The following SPEF2 variants were observed in gnomAD, a reference collection of about 807,000 sequenced individuals.
SPEF2 encodes the protein sperm flagellar and cilia associated 2.
Under a neutral mutation model 224.6 loss-of-function variants are expected in SPEF2, and 187 were observed. That is an observed-to-expected ratio of 0.83 (90% CI 0.74 to 0.94). SPEF2 has a LOEUF of 0.94. Ranked by LOEUF, SPEF2 falls within the 40% of genes least tolerant of loss-of-function variation. The probability of loss-of-function intolerance (pLI) is 0.00; values close to 1 mark genes in which losing one functional copy is unlikely to be tolerated. For synonymous variants in SPEF2, 715 were observed against 707.3 expected (o/e 1.01, Z -0.17); for missense variants, 2,170 against 2,135.6 (o/e 1.02, Z -0.32).
intron 20 of SPEF2, among the ~76,000 whole-genome samples, chr5:35,714,709 T>TTTAC (rs1301693967): frequency 1.3e-5 from 2 of 150,114 alleles, no homozygotes; most frequent in Non-Finnish European, 3.0e-5. Context: ...TATTTATTTA[T>TTTAC]TTATTTATTT....
At chr5:35,806,587 T>G in intron 34 of SPEF2, 120 bp from the exon 35 acceptor site, 1 of 1,282,968 alleles carries the variant, frequency 7.8e-7, no homozygotes, top group Non-Finnish European at 1.1e-6. Context: ...GTTAGCTAGT[T>G]TGTGGTAGGC....
In SPEF2 at chr5:35,670,102, T is replaced by C; in HGVS notation, c.1399T>C (p.Phe467Leu). 3 of 1,610,264 alleles carry C rather than the reference T, an allele frequency of 1.9e-6. No individual in the cohort carries two copies. The highest frequency in any genetic ancestry group is 2.5e-6 in the Non-Finnish European group (3 of 1,178,340). ...GATGCATGATTGGAAGGAACTATTT[T>C]TTAATGCAAAACCCATATATGAACA... ...KLMHDWKELF[F>L]NAKPIYEQAS... Residue 467 changes from phenylalanine (F) to leucine (L), a missense_variant, in exon 10 of 37, where the codon TTT becomes CTT. By Grantham distance (22) the Phe-to-Leu change is conservative. Coordinates refer to ENST00000356031, the MANE Select transcript of SPEF2 (RefSeq NM_024867.4).
At chr5:35,738,106 G>C (rs1746949119) in intron 21 of SPEF2, among the ~76,000 whole-genome samples, 1 of 152,054 alleles carries the variant, frequency 6.6e-6, no homozygotes, top group African/African-American at 2.4e-5. Flanking sequence ...TGTAGATTCT[G>C]GATATTAGCC....
At chr5:35,755,671 G>A (rs1316658430) in intron 24 of SPEF2, among the ~76,000 whole-genome samples, 1 of 152,150 alleles carries the variant, frequency 6.6e-6, no homozygotes, top group Middle Eastern at 3.2e-3. Context: ...GTGCAATGGT[G>A]CGATCTCACC....
intron 2 of SPEF2, among the ~76,000 whole-genome samples, chr5:35,630,298 C>CCCACTAGAGACTCTGTGTGAGGGTTCTGA (rs1744904864): frequency 6.6e-6 from 1 of 152,138 alleles, no homozygotes; most frequent in Non-Finnish European, 1.5e-5. Context: ...TAGGTAGTTC[C>CCCACTAGAGACTCTGTGTGAGGGTTCTGA]CCACTAGAGA....
At chr5:35,785,310 G>A (rs1311587303) in intron 30 of SPEF2, among the ~76,000 whole-genome samples, 1 of 152,114 alleles carries the variant, frequency 6.6e-6, no homozygotes, top group East Asian at 1.9e-4. Context: ...TGTTAAAACT[G>A]TTTATGAGTA....
At chr5:35,720,015 A>G (rs1431460852) in intron 20 of SPEF2, among the ~76,000 whole-genome samples, 2 of 152,174 alleles carry the variant, frequency 1.3e-5, no homozygotes, top group African/African-American at 2.4e-5. Context: ...GCAAGTAGAG[A>G]TTTACTCCTT....
intron 16 of SPEF2, chr5:35,702,258 C>T (rs1197495078): frequency 2.2e-6 from 1 of 456,184 alleles, no homozygotes; most frequent in Admixed American, 2.3e-5. Context: ...AACATCTTCA[C>T]AGAGAAACAC....
At chr5:35,763,012 T>C (rs2149757506) in intron 25 of SPEF2, among the ~76,000 whole-genome samples, 1 of 152,248 alleles carries the variant, frequency 6.6e-6, no homozygotes, top group Middle Eastern at 3.4e-3. Context: ...TTAGTATTAG[T>C]CATGTGTTAC....
chr5:35,781,486 G>A (rs190782971), intron 30 of SPEF2: 3 of 152,348 alleles, frequency 2.0e-5, no homozygotes, highest in Admixed American at 1.3e-4. Flanking sequence ...GGAGCATGAT[G>A]TTTGGGAAAT....
intron 30 of SPEF2, chr5:35,789,096 G>C: frequency 1.4e-6 from 1 of 690,572 alleles, no homozygotes; most frequent in East Asian, 2.7e-5. Flanking sequence ...CTTTCCTTGA[G>C]CTCCTTGGAA....
Position 35,740,274 on chromosome 5 carries a change from A to G in SPEF2, c.3330+7A>G. The G allele has an allele frequency of 6.2e-7, 1 of 1,613,778 alleles. No homozygotes were observed. Among genetic ancestry groups the G allele is most frequent in the Non-Finnish European group, 8.5e-7 (1 of 1,179,910 alleles). On this transcript the variant is annotated splice_region_variant and intron_variant, in intron 23 of 36. Coordinates refer to ENST00000356031, the MANE Select transcript of SPEF2 (RefSeq NM_024867.4). ...ACTACATCAACGAGTGAATGTAAGG[A>G]AATAGTGACCTATTGGGACAGGGTT...
intron 21 of SPEF2, among the ~76,000 whole-genome samples, chr5:35,736,207 A>C (rs1435036859): frequency 6.6e-6 from 1 of 152,206 alleles, no homozygotes; most frequent in Non-Finnish European, 1.5e-5. Context: ...TACATTATTT[A>C]TTAAATAAAA....
At chr5:35,682,760 A>C (rs988825879) in intron 10 of SPEF2, among the ~76,000 whole-genome samples, 1 of 152,190 alleles carries the variant, frequency 6.6e-6, no homozygotes, top group African/African-American at 2.4e-5. Context: ...TGTTTATTCA[A>C]ATTGATCTAA....
Position 35,779,142 on chromosome 5 carries a change from C to A in SPEF2, c.4243C>A (p.Arg1415Ser), listed in dbSNP as rs529179346. 1 of 1,613,356 alleles carries A rather than the reference C, an allele frequency of 6.2e-7. No individual in the cohort carries two copies. Among genetic ancestry groups the A allele is most frequent in the South Asian group, 1.1e-5 (1 of 90,988 alleles). Residue 1415 changes from arginine to serine, a missense_variant, in exon 30 of 37, where the codon CGC (arginine) becomes AGC (serine). By Grantham distance (110) the Arg-to-Ser change is moderately radical. Transcript: ENST00000356031. ...ASTEKLTDVA[R>S]YHIETSTKIQ... ...TACAGAAAAATTAACTGACGTAGCT[C>A]GCTATCACATTGAAACATCTACAAA...
At chr5:35,798,751 A>G (rs1434043230) in intron 33 of SPEF2, among the ~76,000 whole-genome samples, 4 of 151,642 alleles carry the variant, frequency 2.6e-5, no homozygotes, top group African/African-American at 9.7e-5. Flanking sequence ...CCGCCACCAG[A>G]CCCGGCTAAT....
chr5:35,700,767 TTTTTTGACAC>T lies in SPEF2; in HGVS notation c.2398+17_2398+26del, dbSNP rs759293272. On this transcript the variant is annotated intron_variant, in intron 16 of 36. Coordinates refer to ENST00000356031, the MANE Select transcript of SPEF2 (RefSeq NM_024867.4). ...TGATATTATAGGTAAGCTGGACACC[TTTTTTGACAC>T]TCTTTTTACAATGAAAACTCTTTGT... 1.4e-5 allele frequency: 23 copies of T among 1,607,234 alleles called. No homozygotes were observed. The highest frequency in any genetic ancestry group is 2.0e-5 in the Non-Finnish European group (23 of 1,175,498).
intron 29 of SPEF2, among the ~76,000 whole-genome samples, chr5:35,778,454 C>G (rs954047101): frequency 6.6e-6 from 1 of 152,164 alleles, no homozygotes; most frequent in African/African-American, 2.4e-5. Flanking sequence ...GATGAGAACT[C>G]AGATTCCAGC....
intron 1 of SPEF2, 130 bp downstream of exon 1, chr5:35,618,185 G>A (rs1301972435): frequency 3.1e-6 from 3 of 973,252 alleles, no homozygotes; most frequent in Middle Eastern, 3.1e-4. Context: ...CTGCGTAGCC[G>A]GCAGCATCCC....
Sources: gnomAD v4.1 joint callset for allele counts (sites outside exome capture counted in the v4.1 genomes callset) on GRCh38, gnomAD v4.1.1 for gene constraint, MANE v1.5 for transcripts, NCBI Gene and HGNC (gene_info 2026-07-23, HGNC 2026-07-21) for gene names.